Variants in PTPRJ observed in about 807,000 individuals in gnomAD.
The protein encoded by PTPRJ is receptor-type tyrosine-protein phosphatase eta.
PTPRJ carries 129 observed loss-of-function variants against 141.3 expected under a neutral mutation model. The ratio of observed to expected loss-of-function variants is 0.91; its 90% CI spans 0.79 to 1.06. PTPRJ has a LOEUF of 1.06. Among genes scored for constraint, PTPRJ ranks in the 50% least tolerant of loss-of-function variants. The probability of loss-of-function intolerance (pLI) is 0.00; values close to 1 mark genes in which losing one functional copy is unlikely to be tolerated. For missense variants in PTPRJ, 1,601 were observed against 1,679.7 expected (o/e 0.95, Z 0.82); for synonymous variants, 610 against 640.5 (o/e 0.95, Z 0.72).
intron 1 of PTPRJ, among the ~76,000 whole-genome samples, chr11:48,102,283 T>C (rs1004795344): frequency 2.0e-5 from 3 of 152,140 alleles, no homozygotes; most frequent in African/African-American, 7.2e-5. Context: ...GGCTGTGAAC[T>C]CCAAGCACTT....
chr11:48,033,999 C>T (rs1280190276), intron 1 of PTPRJ, among the ~76,000 whole-genome samples: 1 of 152,238 alleles, frequency 6.6e-6, no homozygotes, highest in Non-Finnish European at 1.5e-5. Flanking sequence ...CAGGAACTTA[C>T]AAGAGCTTCT....
chr11:48,081,296 A>G (rs1415218608), intron 1 of PTPRJ, among the ~76,000 whole-genome samples: 2 of 152,204 alleles, frequency 1.3e-5, no homozygotes, highest in East Asian at 1.9e-4. Context: ...GCCCAGGGAA[A>G]ATGAACAGTG....
chr11:48,049,714 C>CAAAAA (rs397713247), intron 1 of PTPRJ, among the ~76,000 whole-genome samples: 1 of 50,608 alleles, frequency 2.0e-5, no homozygotes, highest in Non-Finnish European at 4.2e-5. Flanking sequence ...AACTCTGTCT[C>CAAAAA]AAAAAAAAAA....
intron 19 of PTPRJ, 28 bp from the exon 20 acceptor site, chr11:48,155,773 G>A: frequency 6.6e-7 from 1 of 1,519,442 alleles, no homozygotes; most frequent in Non-Finnish European, 9.0e-7. Flanking sequence ...TGCTTATAAT[G>A]GGGACCTTTT....
chr11:48,050,684 TA>T (rs1318627933), intron 1 of PTPRJ, among the ~76,000 whole-genome samples: 1 of 150,110 alleles, frequency 6.7e-6, no homozygotes, highest in Non-Finnish European at 1.5e-5. Context: ...ATCCAATTTA[TA>T]AAAAACCTCA....
At chr11:48,030,696 T>C (rs1309548384) in intron 1 of PTPRJ, among the ~76,000 whole-genome samples, 1 of 152,114 alleles carries the variant, frequency 6.6e-6, no homozygotes, top group African/African-American at 2.4e-5. Context: ...TGAGCCGAGA[T>C]TGTGCCACTG....
chr11:48,115,245 C>A (rs989576247), intron 3 of PTPRJ, among the ~76,000 whole-genome samples: 1 of 152,110 alleles, frequency 6.6e-6, no homozygotes, highest in Admixed American at 6.6e-5. Context: ...CAAGACTACT[C>A]CAGAACATAA....
chr11:48,089,361 C>G (rs377523394), intron 1 of PTPRJ, among the ~76,000 whole-genome samples: 5 of 151,902 alleles, frequency 3.3e-5, no homozygotes, highest in Non-Finnish European at 7.4e-5. Context: ...ACTAAAAATA[C>G]GAAAACTATC....
chr11:48,066,554 GTAT>G (rs58097315), intron 1 of PTPRJ, among the ~76,000 whole-genome samples: 61,960 of 133,306 alleles, frequency 0.46, 15,485 homozygotes, highest in Admixed American at 0.56. Flanking sequence ...TTATCCAGTC[GTAT>G]TATTATTATT....
intron 24 of PTPRJ, 126 bp downstream of exon 24, chr11:48,164,641 A>G: frequency 1.1e-6 from 1 of 945,050 alleles, no homozygotes; most frequent in Non-Finnish European, 1.4e-6. Context: ...ATCTTGGCTC[A>G]CTGCAACCTC....
chr11:48,020,022 C>T (rs1008769074), intron 1 of PTPRJ, among the ~76,000 whole-genome samples: 10 of 152,104 alleles, frequency 6.6e-5, no homozygotes, highest in Non-Finnish European at 1.5e-4. Context: ...TTCAAAATGG[C>T]GTTATTTCTG....
intron 1 of PTPRJ, among the ~76,000 whole-genome samples, chr11:48,056,202 T>C (rs1013571452): frequency 6.6e-6 from 1 of 152,212 alleles, no homozygotes; most frequent in Non-Finnish European, 1.5e-5. Flanking sequence ...TGTATGCATT[T>C]TTAACATCTG....
chr11:47,984,433 C>T (rs1237088578), intron 1 of PTPRJ, among the ~76,000 whole-genome samples: 2 of 152,196 alleles, frequency 1.3e-5, no homozygotes, highest in South Asian at 2.1e-4. Context: ...TAATATAATG[C>T]CACTGATGAT....
At chr11:48,022,212 C>T (rs1378741921) in intron 1 of PTPRJ, among the ~76,000 whole-genome samples, 5 of 152,008 alleles carry the variant, frequency 3.3e-5, no homozygotes, top group Non-Finnish European at 7.4e-5. Context: ...GCCTGTAAAT[C>T]CTAGCACTTT....
chr11:47,991,632 T>A (rs1854196070), intron 1 of PTPRJ, among the ~76,000 whole-genome samples: 2 of 152,326 alleles, frequency 1.3e-5, no homozygotes, highest in East Asian at 3.9e-4. Context: ...TGTGGTCTTG[T>A]TCCTGTGACC....
intron 8 of PTPRJ, chr11:48,132,621 A>T (rs1857008663): frequency 1.1e-6 from 1 of 909,664 alleles, no homozygotes; most frequent in Non-Finnish European, 1.3e-6. Flanking sequence ...GCAGCACACC[A>T]ACATGGCACA....
intron 22 of PTPRJ, among the ~76,000 whole-genome samples, chr11:48,160,480 C>T (rs1303331518): frequency 1.3e-5 from 2 of 152,186 alleles, no homozygotes; most frequent in East Asian, 1.9e-4. Context: ...ATGCACATGG[C>T]CTTCCTTCCC....
intron 1 of PTPRJ, among the ~76,000 whole-genome samples, chr11:48,007,504 G>A (rs766206205): frequency 2.0e-5 from 3 of 152,086 alleles, no homozygotes; most frequent in African/African-American, 4.8e-5. Context: ...CCAGGTTCAA[G>A]CGATTCTTGT....
rs1857591519 is a variant in PTPRJ, at chr11:48,156,047, T to C, written c.3366T>C (p.Asp1122=). 6.2e-6 allele frequency: 10 copies of C among 1,603,246 alleles called. No homozygotes were observed. Among genetic ancestry groups the C allele is most frequent in the Non-Finnish European group, 8.5e-6 (10 of 1,170,168 alleles). Residue 1122 remains aspartate (D), a synonymous_variant, in exon 21 of 25, where the codon GAT becomes GAC. Transcript: ENST00000418331. ...GACCTTTACCGAACACTTTGAAAGA[T>C]TTTTGGCGTATGGTTTGGGAGAAAA... ...TQGPLPNTLK[D]FWRMVWEKNV...
Sources: gnomAD v4.1 joint callset for allele counts (sites outside exome capture counted in the v4.1 genomes callset) on GRCh38, gnomAD v4.1.1 for gene constraint, MANE v1.5 for transcripts, NCBI Gene and HGNC (gene_info 2026-07-23, HGNC 2026-07-21) for gene names.